C19orf38: variants seen among roughly 807,000 people sequenced by gnomAD.
C19orf38 encodes chromosome 19 open reading frame 38.
Under a neutral mutation model 26.6 loss-of-function variants are expected in C19orf38, and 14 were observed. The observed-to-expected ratio is 0.53, with a 90% CI of 0.35 to 0.82. The LOEUF (loss-of-function observed/expected upper bound fraction) is 0.82. C19orf38 is among the 40% of genes least tolerant of loss of function. C19orf38 has a pLI of 0.01. For synonymous variants in C19orf38, 132 were observed against 128.5 expected, an observed-to-expected ratio of 1.03 and a Z score of -0.18; for missense variants, 261 against 299.5, an observed-to-expected ratio of 0.87 and a Z score of 0.95.
In C19orf38 at chr19:10,848,425, C is replaced by A; in HGVS notation, c.-84C>A. The A allele has an allele frequency of 7.0e-7, 1 of 1,430,156 alleles. No individual in the cohort carries two copies. Among genetic ancestry groups the A allele is most frequent in the Non-Finnish European group, 9.6e-7 (1 of 1,038,182 alleles). The allele number at this position is 1,430,156 out of a possible 1,614,324, so 88.6% of individuals were successfully genotyped here. A position where few individuals can be genotyped will look rare whatever the true frequency, so the allele number is the denominator to read the frequency against. ...GAATCAGCCCTGGTTCTCCTTTCCC[C>A]GATCTGGCCTCACAGGAGGAGTTGG... On this transcript the variant is annotated 5_prime_UTR_variant, in exon 1 of 7. Transcript: ENST00000397820.
chr19:10,866,498 G>A (rs2073753473), intron 6 of C19orf38, among the ~76,000 whole-genome samples: 1 of 149,854 alleles, frequency 6.7e-6, no homozygotes, highest in African/African-American at 2.5e-5. Flanking sequence ...GAGCCACCAG[G>A]CCCGGCCTTT....
chr19:10,860,534 C>CAA (rs900601654), intron 5 of C19orf38, among the ~76,000 whole-genome samples: 5,151 of 21,758 alleles, frequency 0.24, 869 homozygotes, highest in Non-Finnish European at 0.29. Context: ...GACTCCATCT[C>CAA]AAAAAAAAAA....
At chr19:10,862,535 A>G (rs2073709564) in intron 5 of C19orf38, among the ~76,000 whole-genome samples, 1 of 151,936 alleles carries the variant, frequency 6.6e-6, no homozygotes, top group South Asian at 2.1e-4. Flanking sequence ...GACCTACAAG[A>G]ATGGGTAATG....
rs2073722097 is a variant in C19orf38 at position 10,863,333 on chromosome 19, A to G, written c.543+126A>G. On this transcript the variant is annotated intron_variant, in intron 6 of 6. Coordinates refer to ENST00000397820, the MANE Select transcript of C19orf38 (RefSeq NM_001136482.3). ...CTCTAAGCTGCGGGGGGGCTAGGAA[A>G]AGCCCAGAATCACTGAACAGGGACT... is the stretch of plus-strand genomic sequence containing the variant. 5 of 1,117,732 alleles carry G rather than the reference A, an allele frequency of 4.5e-6. No individual in the cohort carries two copies. The Admixed American group carries it at 8.5e-5, about 19-fold the overall frequency. The allele number at this position is 1,117,732 out of a possible 1,614,324, so 69.2% of individuals were successfully genotyped here.
chr19:10,853,518 T>TCA (rs1401521553), intron 2 of C19orf38, among the ~76,000 whole-genome samples: 1 of 151,414 alleles, frequency 6.6e-6, no homozygotes, highest in Non-Finnish European at 1.5e-5. Flanking sequence ...ACTCCTGACC[T>TCA]CAGGTGTTCT....
At chr19:10,856,515 T>C (rs1359596355) in intron 3 of C19orf38, among the ~76,000 whole-genome samples, 158 bp downstream of exon 3, 1 of 151,890 alleles carries the variant, frequency 6.6e-6, no homozygotes, top group African/African-American at 2.4e-5. Context: ...TTTATTATTT[T>C]TCTTTTCAGA....
chr19:10,863,649 C>A (rs1411047638), intron 6 of C19orf38, among the ~76,000 whole-genome samples: 1 of 151,834 alleles, frequency 6.6e-6, no homozygotes, highest in Non-Finnish European at 1.5e-5. Context: ...TTGCTGGGTG[C>A]GGTGACTCAC....
At chr19:10,856,978 T>A (rs1195368081) in intron 3 of C19orf38, among the ~76,000 whole-genome samples, 2 of 151,846 alleles carry the variant, frequency 1.3e-5, no homozygotes, top group Middle Eastern at 3.4e-3. Flanking sequence ...TTATTTATTT[T>A]TTTTAGGACA....
intron 4 of C19orf38, among the ~76,000 whole-genome samples, chr19:10,859,238 TTA>T (rs1224465549): frequency 1.0e-3 from 118 of 115,234 alleles, no homozygotes; most frequent in Middle Eastern, 9.3e-3. Context: ...TGCCTGGCTT[TTA>T]TATATGTGTG....
chr19:10,869,660 C>T lies in C19orf38; in HGVS notation c.*293C>T, dbSNP rs2073785101. 1 of 408,744 alleles carries T rather than the reference C, an allele frequency of 2.4e-6. No homozygotes were observed. Among genetic ancestry groups the T allele is most frequent in the African/African-American group, 2.1e-5 (1 of 48,358 alleles). 25.3% of individuals were successfully genotyped at this position (408,744 alleles called of 1,614,324 possible). On this transcript the variant is annotated 3_prime_UTR_variant, in exon 7 of 7. Coordinates refer to ENST00000397820, the MANE Select transcript of C19orf38 (RefSeq NM_001136482.3). ...TCCCCCAGCTGGGCCATAAGACGTCCCAGGTCTCTGCACACCCGTGGAATT... is the reference window on the plus strand; with the variant it reads ...TCCCCCAGCTGGGCCATAAGACGTCTCAGGTCTCTGCACACCCGTGGAATT...
rs1224185086 is a variant in C19orf38, at chr19:10,839,377, GGCT to G, written c.-69+2611_-69+2613del. On this transcript the variant is annotated intron_variant, in intron 1 of 7. Coordinates refer to the C19orf38 transcript ENST00000592854. Reference sequence around the variant, plus strand: ...TCTATGTTTGCAGCTTGAGTTTTCAGGCTGCTATTTATTAGAAAAGAAATGATA... The same window carrying G: ...TCTATGTTTGCAGCTTGAGTTTTCAGGCTATTTATTAGAAAAGAAATGATA... Among the ~76,000 whole-genome samples the G allele has an allele frequency of 8.2e-4, 125 of 152,298 alleles. 2 individuals carry two copies. The highest frequency in any genetic ancestry group is 2.6e-3 in the African/African-American group (109 of 41,562).
At chr19:10,865,500 C>T (rs1167545018) in intron 6 of C19orf38, among the ~76,000 whole-genome samples, 1 of 151,120 alleles carries the variant, frequency 6.6e-6, no homozygotes, top group Non-Finnish European at 1.5e-5. Flanking sequence ...GGCGTGGTGG[C>T]TCATGCCTGT....
At chr19:10,854,987 C>G (rs572856578) in intron 2 of C19orf38, among the ~76,000 whole-genome samples, 5 of 151,358 alleles carry the variant, frequency 3.3e-5, no homozygotes, top group African/African-American at 1.2e-4. Flanking sequence ...GTTTCTCCCC[C>G]TCATGGAGGC....
intron 6 of C19orf38, among the ~76,000 whole-genome samples, chr19:10,865,032 A>G (rs894519324): frequency 6.6e-6 from 1 of 152,216 alleles, no homozygotes; most frequent in African/African-American, 2.4e-5. Context: ...ATAAATCCTG[A>G]GGCCATAAGA....
In C19orf38 at chr19:10,850,396, G is replaced by A. The variant is rs2073559080; in HGVS notation, c.169G>A (p.Val57Met). 1.3e-6 allele frequency: 2 copies of A among 1,550,888 alleles called. No individual in the cohort carries two copies. The highest frequency in any genetic ancestry group is 1.4e-5 in the African/African-American group (1 of 73,138). ...ANFTLYRGGQ[V>M]VQLLQAPTDQ... The stretch of plus-strand genomic sequence containing the variant: ...TTTCACACTGTATCGAGGGGGGCAG[G>A]TGGTCCAGCTCCTGCAGGCCCCCAC... The change falls in exon 2 of 7, where the codon GTG (valine) becomes ATG (methionine). Residue 57 changes from valine to methionine, a missense_variant. Physicochemically the swap from Val to Met is conservative, Grantham distance 21. Transcript: ENST00000397820.
chr19:10,867,416 C>G (rs994856062), intron 6 of C19orf38, among the ~76,000 whole-genome samples: 13 of 147,552 alleles, frequency 8.8e-5, no homozygotes, highest in Admixed American at 2.0e-4. Context: ...ACTAGCCTGA[C>G]CAACACGGAG....
At position 10,860,196 on chromosome 19, in the gene C19orf38, T is replaced by G. The variant is rs2073681804; in HGVS notation, c.505+238T>G. 6.0e-6 allele frequency: 3 copies of G among 499,616 alleles called. No homozygotes were observed. The South Asian group carries it at 7.5e-5, about 12-fold the overall frequency. 30.9% of individuals were successfully genotyped at this position (499,616 alleles called of 1,614,324 possible). A position where few individuals can be genotyped will look rare whatever the true frequency, so the allele number is the denominator to read the frequency against. On this transcript the variant is annotated intron_variant, in intron 5 of 6. Transcript: ENST00000397820. ...CTAGACAGGGTCTGTGCCTGCTACT[T>G]ACAGGACCCCAGGTCCGACCATTCT...
chr19:10,850,459 A>G lies in C19orf38; in HGVS notation c.232A>G (p.Ser78Gly), dbSNP rs1160078331. The change falls in exon 2 of 7, where the codon AGC (serine) becomes GGC (glycine). Residue 78 changes from serine to glycine, a missense_variant. Transcript: ENST00000397820. Reference protein sequence around the residue: ...RGVTFNLSGGSSKAPGGPFHC... With the variant: ...RGVTFNLSGGGSKAPGGPFHC... ...GGTGACATTTAACCTGAGCGGCGGC[A>G]GCAGCAAGGCTCCAGGGGGACCCTT... is the stretch of plus-strand genomic sequence containing the variant. The G allele has an allele frequency of 7.7e-6, 12 of 1,551,442 alleles. 1 individual carries two copies. Among genetic ancestry groups the G allele is most frequent in the South Asian group, 7.1e-5 (6 of 84,066 alleles).
chr19:10,865,290 G>A (rs1330931874), intron 6 of C19orf38, among the ~76,000 whole-genome samples: 1 of 151,988 alleles, frequency 6.6e-6, no homozygotes, highest in African/African-American at 2.4e-5. Flanking sequence ...GGGATTACAG[G>A]CGCCTGCCAT....
Sources: gnomAD v4.1 joint callset for allele counts (sites outside exome capture counted in the v4.1 genomes callset) on GRCh38, gnomAD v4.1.1 for gene constraint, MANE v1.5 for transcripts, NCBI Gene and HGNC (gene_info 2026-07-23, HGNC 2026-07-21) for gene names.